ORC1: variants seen among roughly 807,000 people sequenced by gnomAD.
ORC1 encodes origin recognition complex, subunit 1 homolog.
Under a neutral mutation model 98.9 loss-of-function variants are expected in ORC1, and 61 were observed. The observed-to-expected ratio is 0.62, with a 90% CI of 0.50 to 0.76. ORC1 has a LOEUF of 0.76. Ranked by LOEUF, ORC1 falls within the 30% of genes least tolerant of loss-of-function variation. The pLI is 0.00. For missense variants in ORC1, 979 were observed against 1,072.2 expected (o/e 0.91, Z 1.21); for synonymous variants, 385 against 406.9 (o/e 0.95, Z 0.65).
chr1:52,384,011 A>G, intron 11 of ORC1, 74 bp from the exon 12 acceptor site: 1 of 1,231,746 alleles, frequency 8.1e-7, no homozygotes, highest in Non-Finnish European at 1.2e-6. Context: ...AAATCTGCAA[A>G]TGGAGGGAGG....
chr1:52,375,282 G>A, intron 15 of ORC1, 148 bp downstream of exon 15: 1 of 767,932 alleles, frequency 1.3e-6, no homozygotes. Context: ...TATTATCCTA[G>A]GGTTATATTT....
chr1:52,403,715 A>G (rs563872147), intron 1 of ORC1, among the ~76,000 whole-genome samples: 1 of 152,276 alleles, frequency 6.6e-6, no homozygotes, highest in South Asian at 2.1e-4. Flanking sequence ...TCTTCTGAAA[A>G]GAAGGTGAAT....
chr1:52,407,007 G>A (rs892156241), upstream of ORC1, among the ~76,000 whole-genome samples: 1 of 152,118 alleles, frequency 6.6e-6, no homozygotes, highest in African/African-American at 2.4e-5. Context: ...ATAGGAAAAA[G>A]GGAAGAGGAA....
chr1:52,388,710 T>A, intron 7 of ORC1, 73 bp from the exon 8 acceptor site: 1 of 1,365,206 alleles, frequency 7.3e-7, no homozygotes, highest in African/African-American at 1.4e-5. Flanking sequence ...AACATTAGTG[T>A]GGATTACAAG....
At chr1:52,381,857 G>T in intron 13 of ORC1, 96 bp from the exon 14 acceptor site, 1 of 1,254,920 alleles carries the variant, frequency 8.0e-7, no homozygotes, top group Non-Finnish European at 1.2e-6. Context: ...CAATTCCCAG[G>T]TCCCATATAA....
chr1:52,402,072 G>T, intron 2 of ORC1, 57 bp downstream of exon 2: 3 of 1,231,784 alleles, frequency 2.4e-6, no homozygotes, highest in South Asian at 1.2e-5. Flanking sequence ...GATACAAGTT[G>T]ACTGTTTAGC....
chr1:52,395,991 A>G, intron 5 of ORC1, 55 bp downstream of exon 5: 1 of 1,611,788 alleles, frequency 6.2e-7, no homozygotes, highest in South Asian at 1.1e-5. Flanking sequence ...TATCATTTTT[A>G]TCACATAACC....
chr1:52,395,972 C>G (rs765035137), intron 5 of ORC1, 74 bp downstream of exon 5: 1 of 1,597,118 alleles, frequency 6.3e-7, no homozygotes. Flanking sequence ...TCAATACTTT[C>G]CCATAAATTA....
chr1:52,393,554 G>A lies in ORC1; in HGVS notation c.971C>T (p.Ala324Val). ...HRIILRTRIA[A>V]SKTIDIREER... ...CTCTCTAATGTCTATGGTTTTCGAA[G>A]CTGCAATTCGGGTTCTCAGGATTAT... Residue 324 changes from alanine (A) to valine (V), a missense_variant, in exon 6 of 17, where the codon GCT (alanine) becomes GTT (valine). By Grantham distance (64) the Ala-to-Val change is moderately conservative (BLOSUM62 0). Transcript: ENST00000371568. The A allele has an allele frequency of 6.2e-7, 1 of 1,614,180 alleles. No individual in the cohort carries two copies. The highest frequency in any genetic ancestry group is 1.1e-5 in the South Asian group (1 of 91,080).
At chr1:52,374,476 T>A (rs538482782) in intron 16 of ORC1, among the ~76,000 whole-genome samples, 1 of 152,230 alleles carries the variant, frequency 6.6e-6, no homozygotes, top group Non-Finnish European at 1.5e-5. Context: ...AGGGATTGGA[T>A]TGATCTGTGA....
upstream of ORC1, chr1:52,404,581 C>T (rs571611861): frequency 3.3e-4 from 203 of 607,250 alleles, no homozygotes; most frequent in African/African-American, 3.4e-3. Context: ...CGATAGGCGA[C>T]GCGGGGAGCG....
At position 52,372,991 on chromosome 1, in the gene ORC1, G is replaced by A; in HGVS notation, c.*190C>T. On this transcript the variant is annotated 3_prime_UTR_variant, in exon 17 of 17. Transcript: ENST00000371568. ...CCTGTCTCTACAAAAAATCAGCTGGGCATGGTGGCATGTGCCTGTAGTTTC... is the reference window on the plus strand; with the variant it reads ...CCTGTCTCTACAAAAAATCAGCTGGACATGGTGGCATGTGCCTGTAGTTTC... 1 of 650,524 alleles carries A rather than the reference G, an allele frequency of 1.5e-6. No individual in the cohort carries two copies. Among genetic ancestry groups the A allele is most frequent in the Non-Finnish European group, 2.8e-6 (1 of 358,318 alleles). 40.3% of individuals were successfully genotyped at this position (650,524 alleles called of 1,614,324 possible).
upstream of ORC1, chr1:52,404,465 A>C (rs1647895737): frequency 3.1e-6 from 1 of 326,760 alleles, no homozygotes; most frequent in East Asian, 6.9e-5. Context: ...CCCCGCCCCC[A>C]GACCGTCCCT....
upstream of ORC1, chr1:52,405,729 C>G: frequency 6.2e-7 from 1 of 1,614,008 alleles, no homozygotes; most frequent in Non-Finnish European, 8.5e-7. Context: ...TGGGTGGCGT[C>G]TATGGTGGCA....
At chr1:52,378,190 C>CA (rs996881230) in intron 14 of ORC1, among the ~76,000 whole-genome samples, 3 of 151,940 alleles carry the variant, frequency 2.0e-5, no homozygotes, top group African/African-American at 7.3e-5. Context: ...ACTAAAAATA[C>CA]AAAAAATTAG....
chr1:52,373,115 G>A lies in ORC1; in HGVS notation c.*66C>T. The A allele has an allele frequency of 6.5e-7, 1 of 1,529,514 alleles. No individual in the cohort carries two copies. Among genetic ancestry groups the A allele is most frequent in the South Asian group, 1.1e-5 (1 of 88,716 alleles). 94.7% of individuals were successfully genotyped at this position (1,529,514 alleles called of 1,614,324 possible). ...CCACTGCACTCCAGCCTGGGCGACA[G>A]AGCAAGACCCTGTCTCAAAAAACAA... On this transcript the variant is annotated 3_prime_UTR_variant, in exon 17 of 17. Coordinates refer to ENST00000371568, the MANE Select transcript of ORC1 (RefSeq NM_004153.4).
At chr1:52,402,674 C>CTGT (rs1387663779) in intron 1 of ORC1, among the ~76,000 whole-genome samples, 1 of 152,204 alleles carries the variant, frequency 6.6e-6, no homozygotes, top group Admixed American at 6.5e-5. Context: ...TGGCTCACGC[C>CTGT]TGTAATCCCA....
At chr1:52,408,374 G>A, upstream of ORC1, 1 of 711,108 alleles carries the variant, frequency 1.4e-6, no homozygotes, top group Non-Finnish European at 2.5e-6. Flanking sequence ...AGCCATAAAT[G>A]GTAGCATGGG....
chr1:52,400,629 T>C lies in ORC1; in HGVS notation c.223+733A>G, dbSNP rs913697766. Among the ~76,000 whole-genome samples the C allele has an allele frequency of 1.3e-4, 20 of 152,226 alleles. 1 individual carries two copies. The highest frequency in any genetic ancestry group is 4.8e-4 in the African/African-American group (20 of 41,446). ...CGAGGCAGTTTTAGATAGTTTCAAATTGCTATCTTCCTAATCCTCCTTGTG... is the reference window on the plus strand; with the variant it reads ...CGAGGCAGTTTTAGATAGTTTCAAACTGCTATCTTCCTAATCCTCCTTGTG... On this transcript the variant is annotated intron_variant, in intron 3 of 16. Transcript: ENST00000371568.
Sources: allele counts gnomAD v4.1 joint callset (sites outside exome capture counted in the v4.1 genomes callset), GRCh38; gene constraint gnomAD v4.1.1; transcripts MANE v1.5; gene names NCBI Gene and HGNC (gene_info 2026-07-23, HGNC 2026-07-21).